Variants in PNPLA7 observed in about 807,000 individuals in gnomAD.
PNPLA7 encodes the protein patatin-like phospholipase domain-containing protein 7.
Under a neutral mutation model 161.7 loss-of-function variants are expected in PNPLA7, and 153 were observed. That is an observed-to-expected ratio of 0.95 (90% CI 0.83 to 1.08). The LOEUF (loss-of-function observed/expected upper bound fraction) is 1.08. Among genes scored for constraint, PNPLA7 ranks in the 50% least tolerant of loss-of-function variants. The pLI, the probability that PNPLA7 is intolerant of heterozygous loss-of-function variation, is 0.00. For missense variants in PNPLA7, 1,739 were observed against 1,856.6 expected (o/e 0.94, Z 1.16); for synonymous variants, 809 against 782.1 (o/e 1.03, Z -0.57).
At chr9:137,510,125 G>A (rs568831451) in intron 12 of PNPLA7, among the ~76,000 whole-genome samples, 9 of 152,244 alleles carry the variant, frequency 5.9e-5, no homozygotes, top group South Asian at 2.1e-4. Flanking sequence ...GTTACCAGGC[G>A]GATCATGGTC....
In PNPLA7 at chr9:137,543,171, C is replaced by T. The variant is rs1050948858; in HGVS notation, c.506+261G>A. On this transcript the variant is annotated intron_variant, in intron 6 of 34. Transcript: ENST00000406427. This position sits in a 1 kb window ranked among gnomAD's most constrained non-coding sequence, Gnocchi z 6.9. ...AGAACCCAGGCTCCAGGCTTTGGAT[C>T]CACCACACCCTTCTTGCTCTTGCCC... 1.3e-5 allele frequency among the ~76,000 whole-genome samples: 2 copies of T among 152,188 alleles called. No individual in the cohort carries two copies. Among genetic ancestry groups the T allele is most frequent in the Admixed American group, 6.5e-5 (1 of 15,286 alleles).
chr9:137,471,178 A>G (rs774078925), intron 25 of PNPLA7, among the ~76,000 whole-genome samples: 8 of 152,272 alleles, frequency 5.3e-5, no homozygotes, highest in Non-Finnish European at 1.0e-4. Flanking sequence ...CTAGAAAGTC[A>G]AAAAGAATCT....
chr9:137,466,382 T>C (rs1191379179), intron 26 of PNPLA7, among the ~76,000 whole-genome samples: 53 of 126,882 alleles, frequency 4.2e-4, no homozygotes, highest in Middle Eastern at 4.9e-3. Flanking sequence ...ATCAGACCAC[T>C]TCCCACCACC....
intron 24 of PNPLA7, 114 bp from the exon 25 acceptor site, chr9:137,478,266 A>G: frequency 1.3e-6 from 1 of 758,996 alleles, no homozygotes; most frequent in East Asian, 3.4e-5. Context: ...ACTGACCCCA[A>G]ATCCTCTCCA....
At position 137,505,716 on chromosome 9, in the gene PNPLA7, G is replaced by A; in HGVS notation, c.1371C>T (p.Ser457=). Residue 457 remains serine (S), a synonymous_variant, in exon 14 of 35, where the codon TCC becomes TCT. Coordinates refer to ENST00000406427, the MANE Select transcript of PNPLA7 (RefSeq NM_001098537.3). ...CATCCGTGTGACTCTCTGAGTGCTG[G>A]GAGACCGTGGAGGGTATCTCTGCAA... ...VMVAEIPSTV[S]QHSESHTDET... 6.2e-7 allele frequency: 1 copy of A among 1,614,106 alleles called. No homozygotes were observed. The highest frequency in any genetic ancestry group is 1.7e-5 in the Admixed American group (1 of 60,034).
chr9:137,492,667 C>T (rs908387733), intron 20 of PNPLA7, among the ~76,000 whole-genome samples: 1 of 104,316 alleles, frequency 9.6e-6, no homozygotes, highest in Non-Finnish European at 1.9e-5. Flanking sequence ...GGGCCATGGT[C>T]TGGGTGGGTG....
intron 30 of PNPLA7, 115 bp from the exon 31 acceptor site, chr9:137,462,446 G>T (rs532584592): frequency 6.7e-7 from 1 of 1,487,898 alleles, no homozygotes; most frequent in Admixed American, 2.3e-5. Context: ...TAGGTTCTGG[G>T]GGGAGAGGGT....
chr9:137,548,751 A>G (rs1161216813), intron 1 of PNPLA7, among the ~76,000 whole-genome samples: 1 of 152,208 alleles, frequency 6.6e-6, no homozygotes, highest in East Asian at 1.9e-4. Flanking sequence ...CCATCTCAAA[A>G]AAAAGAAAAC....
chr9:137,462,725 A>G lies in PNPLA7; in HGVS notation c.3452T>C (p.Leu1151Pro). 6.2e-7 allele frequency: 1 copy of G among 1,613,910 alleles called. No homozygotes were observed. Among genetic ancestry groups the G allele is most frequent in the Non-Finnish European group, 8.5e-7 (1 of 1,179,978 alleles). ...NYGDALSGWW[L>P]LWKRWNPLAT... ...CAAGGGGTTCCAGCGTTTCCACAGC[A>G]GCCACCACCCAGACAGCGCATCCCC... The change falls in exon 30 of 35, where the codon CTG becomes CCG. Residue 1151 changes from leucine to proline, a missense_variant. Physicochemically the swap from Leu to Pro is moderately conservative, Grantham distance 98. Around this residue, in one of 6 missense-constraint regions of PNPLA7, gnomAD observed 703 missense variants for 694.6 expected, o/e 1.01. Coordinates refer to ENST00000406427, the MANE Select transcript of PNPLA7 (RefSeq NM_001098537.3).
At chr9:137,507,298 G>A (rs1283333230) in intron 12 of PNPLA7, among the ~76,000 whole-genome samples, 2 of 152,280 alleles carry the variant, frequency 1.3e-5, no homozygotes, top group African/African-American at 4.8e-5. Flanking sequence ...CTGGGCGAGA[G>A]GAGCGCAGCA....
intron 8 of PNPLA7, among the ~76,000 whole-genome samples, chr9:137,530,721 A>T (rs1394711353): frequency 6.6e-6 from 1 of 152,154 alleles, no homozygotes; most frequent in Non-Finnish European, 1.5e-5. Context: ...ATAAAATCTT[A>T]ATTTCCTTCT....
intron 20 of PNPLA7, among the ~76,000 whole-genome samples, chr9:137,485,058 A>T (rs1470041119): frequency 1.3e-5 from 2 of 152,204 alleles, no homozygotes; most frequent in Non-Finnish European, 2.9e-5. Flanking sequence ...GTGGCTGCCT[A>T]GGCCTCACGC....
chr9:137,485,392 CCAGA>C (rs1357002620), intron 20 of PNPLA7, among the ~76,000 whole-genome samples: 6 of 151,356 alleles, frequency 4.0e-5, no homozygotes, highest in African/African-American at 1.5e-4. Flanking sequence ...TCGGAGTAAA[CCAGA>C]CAAACGCTGC....
intron 12 of PNPLA7, among the ~76,000 whole-genome samples, chr9:137,507,561 C>T (rs1298625452): frequency 2.0e-5 from 3 of 152,006 alleles, no homozygotes; most frequent in East Asian, 1.9e-4. Context: ...CCCAGGTCCT[C>T]GGGAGGCTGA....
At chr9:137,542,822 T>C (rs1836280808) in intron 6 of PNPLA7, 21 bp from the exon 7 acceptor site, 2 of 1,599,788 alleles carry the variant, frequency 1.3e-6, no homozygotes, top group Non-Finnish European at 1.7e-6. Flanking sequence ...CAGAGGGCAC[T>C]GTGGGACGCC....
intron 9 of PNPLA7, 70 bp downstream of exon 9, chr9:137,522,659 C>G (rs117944638): frequency 6.4e-7 from 1 of 1,572,844 alleles, no homozygotes; most frequent in Middle Eastern, 1.7e-4. Flanking sequence ...ACTCAAATCC[C>G]AAACCAGTGC....
At position 137,543,406 on chromosome 9, in the gene PNPLA7, C is replaced by G. The variant is rs1392481982; in HGVS notation, c.506+26G>C. On this transcript the variant is annotated intron_variant, in intron 6 of 34. Coordinates refer to ENST00000406427, the MANE Select transcript of PNPLA7 (RefSeq NM_001098537.3). This position sits in a 1 kb window ranked among gnomAD's most constrained non-coding sequence, Gnocchi z 6.9. Reference sequence around the variant, plus strand: ...CCCGGGGCTATGGGAGCTGCCGCAGCCCCCGGGGCTCATCCCCGCTCTTAC... The same window carrying G: ...CCCGGGGCTATGGGAGCTGCCGCAGGCCCCGGGGCTCATCCCCGCTCTTAC... The G allele has an allele frequency of 1.9e-6, 3 of 1,613,448 alleles. No homozygotes were observed. The highest frequency in any genetic ancestry group is 3.3e-5 in the Admixed American group (2 of 59,980).
intron 19 of PNPLA7, among the ~76,000 whole-genome samples, chr9:137,493,883 G>A (rs1184805816): frequency 6.6e-6 from 1 of 152,212 alleles, no homozygotes; most frequent in Non-Finnish European, 1.5e-5. Context: ...TGGTCCATAA[G>A]TGGGCAAGTA....
In PNPLA7 at chr9:137,540,828, TC is replaced by T. The variant is rs1368173687; in HGVS notation, c.667-107del. The T allele has an allele frequency of 1.9e-5, 18 of 967,404 alleles. No homozygotes were observed. Among genetic ancestry groups the T allele is most frequent in the Non-Finnish European group, 2.7e-5 (17 of 630,768 alleles). The allele number at this position is 967,404 out of a possible 1,614,324, so 59.9% of individuals were successfully genotyped here. A position where few individuals can be genotyped will look rare whatever the true frequency, so the allele number is the denominator to read the frequency against. ...GGCAGTGGGGCCACGGGCCTGCACC[TC>T]TGAGGCGCCATGAGAGCAGCAGGCA... On this transcript the variant is annotated intron_variant, in intron 7 of 34. Coordinates refer to ENST00000406427, the MANE Select transcript of PNPLA7 (RefSeq NM_001098537.3). This position sits in a 1 kb window ranked among gnomAD's most constrained non-coding sequence, Gnocchi z 5.1.
Sources: allele counts gnomAD v4.1 joint callset (sites outside exome capture counted in the v4.1 genomes callset), GRCh38; gene constraint gnomAD v4.1.1; regional missense constraint gnomAD v4.1.1; non-coding constraint Gnocchi (gnomAD v3.1); transcripts MANE v1.5; gene names NCBI Gene and HGNC (gene_info 2026-07-23, HGNC 2026-07-21).